The following SKA2 variants were observed in gnomAD, a reference collection of about 807,000 sequenced individuals.
The protein encoded by SKA2 is spindle and kinetochore-associated protein 2.
In SKA2, 13 loss-of-function variants were observed where a neutral mutation model predicts 16.9. The observed-to-expected ratio is 0.77, with a 90% CI of 0.50 to 1.22. SKA2 has a LOEUF of 1.22. Among genes scored for constraint, SKA2 ranks in the 50% most tolerant of loss-of-function variants. The pLI is 0.00. For missense variants in SKA2, 107 were observed against 139.7 expected (o/e 0.77, Z 1.18); for synonymous variants, 47 against 48.5 (o/e 0.97, Z 0.13).
At chr17:59,115,943 T>C (rs1323310332) in intron 3 of SKA2, among the ~76,000 whole-genome samples, 2 of 152,230 alleles carry the variant, frequency 1.3e-5, no homozygotes, top group Non-Finnish European at 2.9e-5. Flanking sequence ...ATATTCTACT[T>C]TTAATGCCTT....
chr17:59,134,477 A>G (rs567017462), intron 1 of SKA2, among the ~76,000 whole-genome samples: 2 of 152,312 alleles, frequency 1.3e-5, no homozygotes, highest in East Asian at 3.9e-4. Flanking sequence ...ACGAAGTATT[A>G]AACTTACATA....
chr17:59,114,186 T>A (rs2046282026), intron 3 of SKA2, among the ~76,000 whole-genome samples: 1 of 152,134 alleles, frequency 6.6e-6, no homozygotes, highest in Non-Finnish European at 1.5e-5. Context: ...AAAAATAAAG[T>A]CCATTCCCTA....
intron 1 of SKA2, among the ~76,000 whole-genome samples, chr17:59,139,345 C>T (rs373205640): frequency 7.1e-6 from 1 of 141,080 alleles, no homozygotes; most frequent in Non-Finnish European, 1.5e-5. Flanking sequence ...TGCAGAGAGC[C>T]GAGATGGCGC....
chr17:59,122,528 T>C (rs932727490), intron 2 of SKA2, among the ~76,000 whole-genome samples: 1 of 152,106 alleles, frequency 6.6e-6, no homozygotes, highest in Admixed American at 6.6e-5. Flanking sequence ...GGAGGATCAC[T>C]TGAGCCTGGG....
intron 2 of SKA2, among the ~76,000 whole-genome samples, chr17:59,123,846 T>C (rs889677276): frequency 1.4e-4 from 22 of 152,280 alleles, no homozygotes; most frequent in African/African-American, 5.1e-4. Context: ...ATTTTACAGA[T>C]GAGGAAATTA....
At chr17:59,141,185 T>C (rs1274506655) in intron 1 of SKA2, among the ~76,000 whole-genome samples, 1 of 151,052 alleles carries the variant, frequency 6.6e-6, no homozygotes, top group Non-Finnish European at 1.5e-5. Flanking sequence ...AATCACGAGG[T>C]CAAGAGATTG....
intron 1 of SKA2, among the ~76,000 whole-genome samples, chr17:59,143,583 A>C (rs1386851713): frequency 6.6e-6 from 1 of 151,930 alleles, no homozygotes; most frequent in African/African-American, 2.4e-5. Flanking sequence ...CATGTTGGCC[A>C]GGCTGGTCTC....
intron 2 of SKA2, among the ~76,000 whole-genome samples, chr17:59,120,653 G>A (rs1444565750): frequency 1.3e-5 from 2 of 152,150 alleles, no homozygotes; most frequent in Non-Finnish European, 2.9e-5. Flanking sequence ...ATTTTCGCAG[G>A]ATAGAAAAAA....
At chr17:59,130,260 T>C (rs965571086) in intron 2 of SKA2, among the ~76,000 whole-genome samples, 7 of 151,980 alleles carry the variant, frequency 4.6e-5, no homozygotes, top group Non-Finnish European at 8.8e-5. Context: ...TTTAATTGTA[T>C]GGAATTTTTT....
chr17:59,146,830 A>C (rs1018663566), intron 1 of SKA2, among the ~76,000 whole-genome samples: 1 of 151,966 alleles, frequency 6.6e-6, no homozygotes, highest in African/African-American at 2.4e-5. Context: ...ACACCGAGCT[A>C]ATGTTTTTAC....
chr17:59,122,566 G>C (rs1723322184), intron 2 of SKA2, among the ~76,000 whole-genome samples: 1 of 151,792 alleles, frequency 6.6e-6, no homozygotes, highest in Non-Finnish European at 1.5e-5. Context: ...AACCAAGATG[G>C]TACCACTGCA....
intron 2 of SKA2, among the ~76,000 whole-genome samples, chr17:59,122,957 A>G (rs796322109): frequency 4.1e-5 from 6 of 145,344 alleles, no homozygotes; most frequent in South Asian, 2.3e-4. Flanking sequence ...GGGCTTCCCT[A>G]TGTTGGCCAG....
At chr17:59,143,749 G>A (rs926543918) in intron 1 of SKA2, among the ~76,000 whole-genome samples, 1 of 152,100 alleles carries the variant, frequency 6.6e-6, no homozygotes, top group African/African-American at 2.4e-5. Flanking sequence ...TGCGATTATA[G>A]GCGTGAGCCA....
chr17:59,150,995 G>GT (rs529606797), intron 1 of SKA2: 12,363 of 298,844 alleles, frequency 0.041, 4 homozygotes, highest in South Asian at 0.072. Flanking sequence ...TAGTTAAAAG[G>GT]TTTTTTTTTT....
At chr17:59,136,184 G>A (rs888865510) in intron 1 of SKA2, among the ~76,000 whole-genome samples, 108 of 152,176 alleles carry the variant, frequency 7.1e-4, no homozygotes, top group African/African-American at 2.4e-3. Flanking sequence ...TATTTAGACC[G>A]AGTTTCGCTC....
intron 1 of SKA2, chr17:59,154,888 C>T (rs925413321): frequency 3.0e-5 from 47 of 1,555,506 alleles, no homozygotes; most frequent in Non-Finnish European, 3.9e-5. Flanking sequence ...ACAAGGAATT[C>T]CAAAGGCCCC....
chr17:59,114,173 T>C (rs1568299503), intron 3 of SKA2, among the ~76,000 whole-genome samples: 1 of 152,150 alleles, frequency 6.6e-6, no homozygotes, highest in African/African-American at 2.4e-5. Context: ...CCACTGTTAG[T>C]TAAAAAATAA....
intron 3 of SKA2, among the ~76,000 whole-genome samples, chr17:59,117,503 C>A (rs1252156826): frequency 6.6e-6 from 1 of 152,134 alleles, no homozygotes; most frequent in Non-Finnish European, 1.5e-5. Context: ...GTCAAAGGAT[C>A]CTTCTGCCCC....
At chr17:59,124,078 T>G (rs1038760504) in intron 2 of SKA2, among the ~76,000 whole-genome samples, 1 of 152,220 alleles carries the variant, frequency 6.6e-6, no homozygotes, top group Non-Finnish European at 1.5e-5. Flanking sequence ...TGAAGCATTA[T>G]TCTTTGTAAT....
Sources: gnomAD v4.1 joint callset for allele counts (sites outside exome capture counted in the v4.1 genomes callset) on GRCh38, gnomAD v4.1.1 for gene constraint, MANE v1.5 for transcripts, NCBI Gene and HGNC (gene_info 2026-07-23, HGNC 2026-07-21) for gene names.